TENM4: variants seen among roughly 807,000 people sequenced by gnomAD.
The protein encoded by TENM4 is teneurin transmembrane protein 4.
TENM4 carries 82 observed loss-of-function variants against 243.3 expected under a neutral mutation model. The observed-to-expected ratio is 0.34, with a 90% CI of 0.28 to 0.40. The LOEUF (loss-of-function observed/expected upper bound fraction) is 0.40, where lower values mean the gene tolerates loss of function less well. TENM4 is among the 10% of genes least tolerant of loss of function. TENM4 has a pLI of 1.00. For missense variants in TENM4, 3,138 were observed against 3,673.3 expected (o/e 0.85, Z 3.77); for synonymous variants, 1,412 against 1,456.3 (o/e 0.97, Z 0.69).
chr11:78,946,530 C>T (rs1254398722), intron 6 of TENM4, among the ~76,000 whole-genome samples: 5 of 152,160 alleles, frequency 3.3e-5, no homozygotes, highest in Admixed American at 1.3e-4. Flanking sequence ...TTCTTCAGCT[C>T]GTGGATCAAA....
intron 1 of TENM4, among the ~76,000 whole-genome samples, chr11:79,347,462 A>C (rs1411051930): frequency 6.6e-6 from 1 of 152,184 alleles, no homozygotes; most frequent in East Asian, 1.9e-4. Flanking sequence ...ATGGAGACCC[A>C]CTTGACTCAC....
At position 78,702,087 on chromosome 11, in the gene TENM4, G is replaced by T. The variant is rs768727566; in HGVS notation, c.4526C>A (p.Ala1509Asp). 1.2e-6 allele frequency: 2 copies of T among 1,613,856 alleles called. No homozygotes were observed. The highest frequency in any genetic ancestry group is 2.2e-5 in the South Asian group (2 of 91,058). The change falls in exon 28 of 34, where the codon GCC becomes GAC. Residue 1509 changes from alanine (A) to aspartate (D), a missense_variant. Ala to Asp is a moderately radical substitution (Grantham distance 126, BLOSUM62 -2). Coordinates refer to ENST00000278550, the MANE Select transcript of TENM4 (RefSeq NM_001098816.3). ...TSGEISLVAG[A>D]PSGCDCKNDA... ...ATTTTTACAGTCACAGCCACTGGGG[G>T]CCCCAGCAACGAGTGAGATCTCTCC...
intron 1 of TENM4, among the ~76,000 whole-genome samples, chr11:79,433,119 A>G (rs1247862346): frequency 6.6e-6 from 1 of 152,232 alleles, no homozygotes; most frequent in Non-Finnish European, 1.5e-5. Context: ...TTCTACAAAT[A>G]TAAGCAACTC....
chr11:79,391,258 T>C (rs1187843495), intron 1 of TENM4, among the ~76,000 whole-genome samples: 1 of 152,170 alleles, frequency 6.6e-6, no homozygotes, highest in Non-Finnish European at 1.5e-5. Flanking sequence ...TCCTTTTTTT[T>C]TTCCATCATA....
chr11:79,119,084 A>C (rs1861682822), intron 4 of TENM4, among the ~76,000 whole-genome samples: 1 of 152,178 alleles, frequency 6.6e-6, no homozygotes, highest in Non-Finnish European at 1.5e-5. Context: ...CACATTTAGG[A>C]AGTGGTAGTC....
intron 17 of TENM4, among the ~76,000 whole-genome samples, chr11:78,777,912 G>A (rs1352416504): frequency 6.6e-6 from 1 of 152,148 alleles, no homozygotes; most frequent in Non-Finnish European, 1.5e-5. Flanking sequence ...GGAAAATCAG[G>A]TACCACCCAA....
At position 78,855,967 on chromosome 11, in the gene TENM4, T is replaced by C. The variant is rs373578158; in HGVS notation, c.1467A>G (p.Thr489=). 55 of 1,551,190 alleles carry C rather than the reference T, an allele frequency of 3.5e-5. No individual in the cohort carries two copies. The highest frequency in any genetic ancestry group is 4.7e-5 in the Non-Finnish European group (54 of 1,146,972). ...YGRKGLPPSH[T]QFDFVELLDG... is the part of the protein sequence containing the mutation. The stretch of plus-strand genomic sequence containing the variant: ...GGGTATGTGGGGTTCTGGTTACCTG[T>C]GTATGTGAAGGAGGGAGGCCTTTTC... Residue 489 remains threonine (T), a synonymous_variant, in exon 11 of 34, where the codon ACA becomes ACG. Coordinates refer to ENST00000278550, the MANE Select transcript of TENM4 (RefSeq NM_001098816.3).
At chr11:79,403,637 C>A (rs1398250649) in intron 1 of TENM4, among the ~76,000 whole-genome samples, 1 of 152,154 alleles carries the variant, frequency 6.6e-6, no homozygotes, top group Non-Finnish European at 1.5e-5. Context: ...GTAGCCCACC[C>A]CTCGACACTC....
intron 31 of TENM4, among the ~76,000 whole-genome samples, chr11:78,671,348 A>C (rs1303950920): frequency 6.6e-6 from 1 of 152,190 alleles, no homozygotes; most frequent in African/African-American, 2.4e-5. Flanking sequence ...CAGTGGGTAG[A>C]GGAGACCCAC....
intron 14 of TENM4, among the ~76,000 whole-genome samples, chr11:78,805,753 T>C (rs1171968268): frequency 1.3e-5 from 2 of 152,182 alleles, no homozygotes; most frequent in African/African-American, 4.8e-5. Flanking sequence ...GCACTTCATG[T>C]CTACTAGATT....
rs555784940 is a variant in TENM4, at chr11:79,314,275, T to G, written c.-320-16732A>C. Among the ~76,000 whole-genome samples, 6 of 152,332 alleles carry G rather than the reference T, an allele frequency of 3.9e-5. No individual in the cohort carries two copies. The East Asian group carries it at 9.6e-4, about 24-fold the overall frequency. On this transcript the variant is annotated intron_variant, in intron 1 of 33. Transcript: ENST00000278550. ...GGCAATGGATACTAATCACTAAGCATAGTGCCTGGCAAACAGAAGGCATTT... is the reference window on the plus strand; with the variant it reads ...GGCAATGGATACTAATCACTAAGCAGAGTGCCTGGCAAACAGAAGGCATTT...
chr11:78,739,072 A>C (rs968792827), intron 19 of TENM4, among the ~76,000 whole-genome samples: 1 of 152,132 alleles, frequency 6.6e-6, no homozygotes, highest in Non-Finnish European at 1.5e-5. Flanking sequence ...GTGAACATAC[A>C]AAAAAGTGAG....
chr11:79,052,135 C>T (rs763306894), intron 6 of TENM4, among the ~76,000 whole-genome samples: 2 of 152,146 alleles, frequency 1.3e-5, no homozygotes, highest in South Asian at 2.1e-4. Flanking sequence ...TGGGTATATA[C>T]CCAGTAATGG....
chr11:78,811,284 GTC>G (rs201569939), intron 14 of TENM4, among the ~76,000 whole-genome samples: 2,173 of 152,308 alleles, frequency 0.014, 27 homozygotes, highest in Admixed American at 0.031. Flanking sequence ...ACACCATGCA[GTC>G]AAGAAGGAAG....
chr11:79,203,566 C>T (rs1355140064), intron 3 of TENM4, among the ~76,000 whole-genome samples: 2 of 152,130 alleles, frequency 1.3e-5, no homozygotes, highest in Non-Finnish European at 2.9e-5. Flanking sequence ...AAATTAGGCA[C>T]AATCAGAGAT....
chr11:78,856,192 G>T lies in TENM4; in HGVS notation c.1256-14C>A, dbSNP rs779675019. ...TACTGGGCTTTCCTACCAAGATAGA[G>T]GGAAGGGAAGACAAAGACATCTCGG... On this transcript the variant is annotated splice_polypyrimidine_tract_variant and intron_variant, in intron 10 of 33. Coordinates refer to ENST00000278550, the MANE Select transcript of TENM4 (RefSeq NM_001098816.3). 4.1e-5 allele frequency: 63 copies of T among 1,548,806 alleles called. 1 individual carries two copies. The highest frequency in any genetic ancestry group is 2.6e-4 in the Admixed American group (13 of 50,910).
At chr11:79,067,138 A>C (rs1860283646) in intron 5 of TENM4, among the ~76,000 whole-genome samples, 1 of 152,222 alleles carries the variant, frequency 6.6e-6, no homozygotes, top group African/African-American at 2.4e-5. Context: ...CAGGCATAAA[A>C]GAAGCCCGTG....
In TENM4 at chr11:79,378,884, T is replaced by TAA. The variant is rs34204961; in HGVS notation, c.-321+61623_-321+61624dup. 3.1e-3 allele frequency among the ~76,000 whole-genome samples: 365 copies of TAA among 116,860 alleles called. 2 individuals are homozygous for TAA. The highest frequency in any genetic ancestry group is 0.01 in the African/African-American group (323 of 30,982). The allele number at this position is 116,860 out of a possible 152,430, so 76.7% of individuals were successfully genotyped here. On this transcript the variant is annotated intron_variant, in intron 1 of 33. Coordinates refer to ENST00000278550, the MANE Select transcript of TENM4 (RefSeq NM_001098816.3). ...GGTGACAGAATGAGGCCCTGTCTGT[T>TAA]AAAAAAAAAAAAAAAAAAAAGGAAA...
chr11:78,993,800 A>G (rs1025327104), intron 6 of TENM4, among the ~76,000 whole-genome samples: 2 of 152,140 alleles, frequency 1.3e-5, no homozygotes, highest in Non-Finnish European at 2.9e-5. Context: ...TATAGTATCT[A>G]TTTTCAAAGT....
Sources: allele counts gnomAD v4.1 joint callset (sites outside exome capture counted in the v4.1 genomes callset), GRCh38; gene constraint gnomAD v4.1.1; transcripts MANE v1.5; gene names NCBI Gene and HGNC (gene_info 2026-07-23, HGNC 2026-07-21).